Variants in DSCAM observed in about 807,000 individuals in gnomAD.
DSCAM encodes the protein DS cell adhesion molecule.
DSCAM carries 47 observed loss-of-function variants against 217.7 expected under a neutral mutation model. The ratio of observed to expected loss-of-function variants is 0.22; its 90% CI spans 0.17 to 0.28. DSCAM has a LOEUF of 0.28. Among genes scored for constraint, DSCAM ranks in the 10% least tolerant of loss-of-function variants. The pLI is 1.00. For synonymous variants in DSCAM, 1,056 were observed against 1,015.3 expected, an observed-to-expected ratio of 1.04 and a Z score of -0.76; for missense variants, 2,080 against 2,618.3, an observed-to-expected ratio of 0.79 and a Z score of 4.49.
chr21:40,738,219 A>G (rs546043270), intron 1 of DSCAM, among the ~76,000 whole-genome samples: 1 of 152,312 alleles, frequency 6.6e-6, no homozygotes, highest in South Asian at 2.1e-4. Flanking sequence ...AGGTTTTAAA[A>G]ATTTTACCAA....
intron 32 of DSCAM, among the ~76,000 whole-genome samples, chr21:40,031,556 T>C (rs1004708521): frequency 6.6e-6 from 1 of 152,120 alleles, no homozygotes; most frequent in African/African-American, 2.4e-5. Context: ...TCTGAAGACA[T>C]GAGACAGGCA....
chr21:40,189,939 T>A (rs58693814), intron 11 of DSCAM, among the ~76,000 whole-genome samples: 8,630 of 152,272 alleles, frequency 0.057, 773 homozygotes, highest in African/African-American at 0.19. Flanking sequence ...TTATAAACAA[T>A]GGGGATAAAA....
chr21:40,282,415 G>A (rs1053776335), intron 10 of DSCAM, among the ~76,000 whole-genome samples: 43 of 151,212 alleles, frequency 2.8e-4, no homozygotes, highest in African/African-American at 1.0e-3. Flanking sequence ...GTGAAACCCC[G>A]TCTCTACTAA....
intron 18 of DSCAM, among the ~76,000 whole-genome samples, chr21:40,137,232 A>C (rs2090221559): frequency 1.4e-5 from 2 of 138,266 alleles, no homozygotes; most frequent in Non-Finnish European, 1.5e-5. Context: ...TAAAAATGCT[A>C]ATGGTTAATA....
chr21:40,318,738 G>C (rs1461809091), intron 8 of DSCAM, among the ~76,000 whole-genome samples: 1 of 152,212 alleles, frequency 6.6e-6, no homozygotes, highest in Non-Finnish European at 1.5e-5. Flanking sequence ...GAGTGATAAG[G>C]ATATTGCTGG....
chr21:40,730,705 A>G (rs143334542), intron 1 of DSCAM, among the ~76,000 whole-genome samples: 3,310 of 152,260 alleles, frequency 0.022, 127 homozygotes, highest in African/African-American at 0.076. Flanking sequence ...CACAAACTGC[A>G]AGAGAGGAGG....
chr21:40,559,852 G>A (rs549294408), intron 3 of DSCAM, among the ~76,000 whole-genome samples: 511 of 149,236 alleles, frequency 3.4e-3, no homozygotes, highest in Middle Eastern at 6.9e-3. Context: ...GAGTGCAGTG[G>A]CGCGATCTCG....
intron 1 of DSCAM, among the ~76,000 whole-genome samples, chr21:40,720,127 C>A (rs1179003110): frequency 1.3e-5 from 2 of 152,086 alleles, no homozygotes; most frequent in African/African-American, 2.4e-5. Flanking sequence ...ATCGAATTTG[C>A]AAATTGGGTA....
chr21:40,181,201 A>G (rs556068586), intron 14 of DSCAM, among the ~76,000 whole-genome samples: 2 of 146,662 alleles, frequency 1.4e-5, no homozygotes, highest in South Asian at 4.5e-4. Flanking sequence ...TATTGGGTCA[A>G]TGGTGCATTC....
intron 1 of DSCAM, among the ~76,000 whole-genome samples, chr21:40,824,582 TA>T (rs1388940974): frequency 2.6e-5 from 4 of 151,984 alleles, no homozygotes. Context: ...GCTTACTTTT[TA>T]AAAAATATTT....
At chr21:40,428,003 A>G (rs992075709) in intron 3 of DSCAM, among the ~76,000 whole-genome samples, 2 of 152,186 alleles carry the variant, frequency 1.3e-5, no homozygotes, top group African/African-American at 4.8e-5. Context: ...GCTACACTGT[A>G]TCATCTTCGC....
intron 1 of DSCAM, among the ~76,000 whole-genome samples, chr21:40,803,034 A>G (rs2837828): frequency 0.45 from 68,327 of 152,026 alleles, 17,239 homozygotes; most frequent in South Asian, 0.64. Context: ...ATATTTTACA[A>G]TGATGAAAAT....
intron 3 of DSCAM, among the ~76,000 whole-genome samples, chr21:40,586,111 C>G (rs1453519479): frequency 6.6e-6 from 1 of 152,184 alleles, no homozygotes; most frequent in Admixed American, 6.5e-5. Context: ...TCCACCTCAG[C>G]CTCCCAAACT....
chr21:40,646,603 C>A (rs1337952422), intron 3 of DSCAM, among the ~76,000 whole-genome samples: 1 of 152,112 alleles, frequency 6.6e-6, no homozygotes, highest in African/African-American at 2.4e-5. Context: ...TTAGAGATGA[C>A]AGAAATAATG....
In DSCAM at chr21:40,846,772, C is replaced by CCCGCCGCCCGCCGCCG. The variant is rs1388602437; in HGVS notation, c.-127_-112dup. ...GCACCTGCCCGGGGGCCGCCGCCCGCCCGCCGCCCGCCGCCGCCGCCGCCG... is the reference window on the plus strand; with the variant it reads ...GCACCTGCCCGGGGGCCGCCGCCCGCCCGCCGCCCGCCGCCGCCGCCGCCCGCCGCCGCCGCCGCCG... On this transcript the variant is annotated 5_prime_UTR_variant, in exon 1 of 33. Coordinates refer to ENST00000400454, the MANE Select transcript of DSCAM (RefSeq NM_001389.5). The CCCGCCGCCCGCCGCCG allele has an allele frequency of 2.8e-6, 1 of 358,574 alleles. No individual in the cohort carries two copies. Among genetic ancestry groups the CCCGCCGCCCGCCGCCG allele is most frequent in the Non-Finnish European group, 3.8e-6 (1 of 260,836 alleles). 22.2% of individuals were successfully genotyped at this position (358,574 alleles called of 1,614,324 possible). A position where few individuals can be genotyped will look rare whatever the true frequency, so the allele number is the denominator to read the frequency against.
Position 40,296,039 on chromosome 21 carries a change from T to C in DSCAM, c.2182+16A>G, listed in dbSNP as rs1394438053. 6.2e-7 allele frequency: 1 copy of C among 1,609,722 alleles called. No individual in the cohort carries two copies. Among genetic ancestry groups the C allele is most frequent in the Non-Finnish European group, 8.5e-7 (1 of 1,178,610 alleles). ...AAATGTTTGACAGGTAACAAGTAGA[T>C]CAAGTAACTCCATACCTTTAGAGAA... is the stretch of plus-strand genomic sequence containing the variant. On this transcript the variant is annotated intron_variant, in intron 10 of 32. Coordinates refer to ENST00000400454, the MANE Select transcript of DSCAM (RefSeq NM_001389.5).
At chr21:40,487,793 A>G (rs1019476383) in intron 3 of DSCAM, among the ~76,000 whole-genome samples, 1 of 152,174 alleles carries the variant, frequency 6.6e-6, no homozygotes, top group Non-Finnish European at 1.5e-5. Context: ...CCAGGGAGAC[A>G]TCCAGGTTTT....
At chr21:40,530,228 T>C (rs1436625450) in intron 3 of DSCAM, among the ~76,000 whole-genome samples, 5 of 152,228 alleles carry the variant, frequency 3.3e-5, no homozygotes, top group Non-Finnish European at 4.4e-5. Context: ...GTTTTCTTTT[T>C]AGAATAATTT....
intron 30 of DSCAM, among the ~76,000 whole-genome samples, chr21:40,050,586 C>A (rs571832690): frequency 1.3e-5 from 2 of 152,176 alleles, no homozygotes; most frequent in African/African-American, 4.8e-5. Flanking sequence ...AGGTTCACGC[C>A]ATTCTCCTGC....
Sources: allele counts gnomAD v4.1 joint callset (sites outside exome capture counted in the v4.1 genomes callset), GRCh38; gene constraint gnomAD v4.1.1; transcripts MANE v1.5; gene names NCBI Gene and HGNC (gene_info 2026-07-23, HGNC 2026-07-21).